Variants in PMPCB observed in about 807,000 individuals in gnomAD.
PMPCB encodes mitochondrial-processing peptidase subunit beta.
A neutral mutation model predicts 61.5 loss-of-function variants in PMPCB; 46 were observed. The ratio of observed to expected loss-of-function variants is 0.75; its 90% CI spans 0.59 to 0.96. The LOEUF is 0.96. PMPCB is among the 40% of genes least tolerant of loss of function. The pLI is 0.00. For missense variants in PMPCB, 590 were observed against 602.4 expected, an observed-to-expected ratio of 0.98 and a Z score of 0.22; for synonymous variants, 191 against 201.6, an observed-to-expected ratio of 0.95 and a Z score of 0.44.
chr7:103,326,407 A>AAGG (rs1291191196), intron 12 of PMPCB: 3 of 835,566 alleles, frequency 3.6e-6, no homozygotes, highest in Non-Finnish European at 5.7e-6. Context: ...TATTGCAGAG[A>AAGG]AGGAGGAGGA....
chr7:103,321,857 C>G (rs1440990760), intron 12 of PMPCB: 1 of 1,513,664 alleles, frequency 6.6e-7, no homozygotes, highest in Non-Finnish European at 9.0e-7. Flanking sequence ...AAAAAACAAA[C>G]AAACAAAAAG....
At chr7:103,300,136 A>G in intron 3 of PMPCB, 42 bp from the exon 4 acceptor site, 1 of 1,571,262 alleles carries the variant, frequency 6.4e-7, no homozygotes, top group Non-Finnish European at 8.7e-7. Context: ...GATGAAGTAT[A>G]AAGGGAGTTT....
At chr7:103,316,752 G>C (rs1818082301), downstream of PMPCB, 1 of 1,184,170 alleles carries the variant, frequency 8.4e-7, no homozygotes, top group Non-Finnish European at 1.2e-6. Context: ...GTGATAACAA[G>C]TGCTGCTATT....
At chr7:103,342,610 ATTTT>A in the PMPCB span, among the ~76,000 whole-genome samples, 1 of 136,452 alleles carries the variant, frequency 7.3e-6, no homozygotes, top group Non-Finnish European at 1.6e-5. Context: ...CACCTGGACA[ATTTT>A]TTTTTTTTTT....
chr7:103,329,088 A>C (rs1161051021), exon 13 of PMPCB: 1 of 893,078 alleles, frequency 1.1e-6, no homozygotes, highest in East Asian at 7.3e-5. Context: ...GGTGGTCAAC[A>C]ATTTTTTTGT....
chr7:103,337,457 T>G, the PMPCB span: 1 of 300,132 alleles, frequency 3.3e-6, no homozygotes, highest in Non-Finnish European at 6.1e-6. Flanking sequence ...GAAGTATTAT[T>G]TTTTAAAAGC....
intron 12 of PMPCB, chr7:103,323,575 T>C: frequency 7.0e-7 from 1 of 1,438,764 alleles, no homozygotes; most frequent in South Asian, 1.4e-5. Context: ...ATACCTTCCA[T>C]TATTAATGAT....
Position 103,297,565 on chromosome 7 carries a change from T to C in PMPCB, c.99+7T>C. On this transcript the variant is annotated splice_region_variant and intron_variant, in intron 1 of 12. Transcript: ENST00000249269. ...CCGAGGCGCTGCGGGACGGGTGAGC[T>C]TCCCTCCAGGCCGGTCCTGTCCTCG... 1.2e-6 allele frequency: 2 copies of C among 1,611,618 alleles called. No homozygotes were observed. Among genetic ancestry groups the C allele is most frequent in the Middle Eastern group, 1.7e-4 (1 of 5,948 alleles).
At chr7:103,347,444 A>G in the PMPCB span, 3 of 323,476 alleles carry the variant, frequency 9.3e-6, no homozygotes, top group African/African-American at 4.1e-5. Flanking sequence ...TACCTTCACT[A>G]TATTTGTAGA....
chr7:103,344,253 T>C, the PMPCB span: 19 of 417,212 alleles, frequency 4.6e-5, no homozygotes, highest in Non-Finnish European at 2.1e-5. Flanking sequence ...AGGAGATGCT[T>C]ATGAGAACCT....
chr7:103,301,758 A>G (rs959874633), intron 4 of PMPCB, among the ~76,000 whole-genome samples: 1 of 151,852 alleles, frequency 6.6e-6, no homozygotes, highest in Non-Finnish European at 1.5e-5. Context: ...GTTTAGACTA[A>G]TGGTCTCCAG....
chr7:103,299,435 G>C lies in PMPCB; in HGVS notation c.241-8G>C. On this transcript the variant is annotated splice_polypyrimidine_tract_variant and splice_region_variant and intron_variant, in intron 2 of 12. Coordinates refer to ENST00000249269, the MANE Select transcript of PMPCB (RefSeq NM_004279.3). ...GAATTTATTTAATTGTTCTTTGATT[G>C]CATTAAGGTTGGACTCTGGATTGAT... The C allele has an allele frequency of 6.5e-7, 1 of 1,528,480 alleles. No individual in the cohort carries two copies. The highest frequency in any genetic ancestry group is 2.3e-5 in the East Asian group (1 of 44,424). 94.7% of individuals were successfully genotyped at this position (1,528,480 alleles called of 1,614,324 possible). A position where few individuals can be genotyped will look rare whatever the true frequency, so the allele number is the denominator to read the frequency against.
In PMPCB at chr7:103,327,902, A is replaced by T. The variant is rs542215519; in HGVS notation, c.*1432-1029A>T. 1.6e-4 allele frequency: 88 copies of T among 550,126 alleles called. No homozygotes were observed. In the South Asian group the frequency reaches 1.9e-3, roughly 12 times the overall value. 34.1% of individuals were successfully genotyped at this position (550,126 alleles called of 1,614,324 possible). A position where few individuals can be genotyped will look rare whatever the true frequency, so the allele number is the denominator to read the frequency against. On this transcript the variant is annotated intron_variant and NMD_transcript_variant, in intron 12 of 12. Transcript: ENST00000444457. ...TATATGCTTATTCAATGTGAAAATTATAGAGAAACTGATTTATTTCTTCTT... is the reference window on the plus strand; with the variant it reads ...TATATGCTTATTCAATGTGAAAATTTTAGAGAAACTGATTTATTTCTTCTT...
In PMPCB at chr7:103,312,351, C is replaced by T; in HGVS notation, c.*80C>T. On this transcript the variant is annotated 3_prime_UTR_variant, in exon 13 of 13. Transcript: ENST00000249269. ...AAAAATAAAAATGAACATGTATATA[C>T]ATTTGGAAATTTGAATTAAATACTG... 3 of 1,573,208 alleles carry T rather than the reference C, an allele frequency of 1.9e-6. No homozygotes were observed. The highest frequency in any genetic ancestry group is 2.6e-6 in the Non-Finnish European group (3 of 1,167,604).
At chr7:103,322,671 A>T in intron 12 of PMPCB, 1 of 1,612,944 alleles carries the variant, frequency 6.2e-7, no homozygotes, top group Non-Finnish European at 8.5e-7. Context: ...TGAATTTCTA[A>T]CATTTAGGGG....
the PMPCB span, chr7:103,344,433 C>T: frequency 1.9e-6 from 2 of 1,030,012 alleles, no homozygotes; most frequent in South Asian, 1.3e-5. Context: ...GCACTCGTCA[C>T]GGCCCCATAC....
intron 12 of PMPCB, chr7:103,322,570 C>G (rs1419301731): frequency 6.3e-7 from 1 of 1,598,746 alleles, no homozygotes; most frequent in South Asian, 1.1e-5. Flanking sequence ...TTTTCTGCTT[C>G]TTTCTTGGCT....
chr7:103,316,926 G>C (rs777286261), downstream of PMPCB: 3 of 1,613,878 alleles, frequency 1.9e-6, no homozygotes, highest in Non-Finnish European at 1.7e-6. Flanking sequence ...ACCTCCACCA[G>C]TTGATTTCTC....
chr7:103,299,622 G>C (rs145696649), intron 3 of PMPCB, 93 bp downstream of exon 3: 7,300 of 665,332 alleles, frequency 0.011, 78 homozygotes, highest in South Asian at 0.022. Context: ...TCTTTCAGTA[G>C]TATAACATGT....
Sources: allele counts gnomAD v4.1 joint callset (sites outside exome capture counted in the v4.1 genomes callset), GRCh38; gene constraint gnomAD v4.1.1; transcripts MANE v1.5; gene names NCBI Gene and HGNC (gene_info 2026-07-23, HGNC 2026-07-21).